ERC2: variants seen among roughly 807,000 people sequenced by gnomAD.
The protein encoded by ERC2 is ERC protein 2.
In ERC2, 42 loss-of-function variants were observed where a neutral mutation model predicts 114.8. The observed-to-expected ratio is 0.37, with a 90% CI of 0.29 to 0.47. The LOEUF is 0.47. Ranked by LOEUF, ERC2 falls within the 20% of genes least tolerant of loss-of-function variation. The pLI, the probability that ERC2 is intolerant of heterozygous loss-of-function variation, is 0.99. For missense variants in ERC2, 939 were observed against 1,150.7 expected, an observed-to-expected ratio of 0.82 and a Z score of 2.66; for synonymous variants, 454 against 425.5, an observed-to-expected ratio of 1.07 and a Z score of -0.82.
intron 17 of ERC2, among the ~76,000 whole-genome samples, chr3:55,513,236 C>A (rs1387935309): frequency 6.6e-6 from 1 of 152,266 alleles, no homozygotes; most frequent in Non-Finnish European, 1.5e-5. Flanking sequence ...TGTTTATAAT[C>A]CCGTTGCCCT....
At chr3:56,087,988 T>C (rs1277948376) in intron 6 of ERC2, among the ~76,000 whole-genome samples, 2 of 152,178 alleles carry the variant, frequency 1.3e-5, no homozygotes, top group Non-Finnish European at 2.9e-5. Context: ...CCAACTCTCC[T>C]TTCCTCCTGA....
At chr3:55,968,941 AGG>A (rs2068952481) in intron 12 of ERC2, among the ~76,000 whole-genome samples, 1 of 152,118 alleles carries the variant, frequency 6.6e-6, no homozygotes, top group South Asian at 2.1e-4. Flanking sequence ...TGCTACATAA[AGG>A]GGTCTATTCT....
chr3:56,280,822 T>C (rs541243326), intron 3 of ERC2, among the ~76,000 whole-genome samples: 1 of 152,322 alleles, frequency 6.6e-6, no homozygotes, highest in South Asian at 2.1e-4. Flanking sequence ...AATACTTATA[T>C]TCTAATAGCA....
chr3:56,359,273 A>G (rs58083540), intron 2 of ERC2, among the ~76,000 whole-genome samples: 3,103 of 152,236 alleles, frequency 0.02, 108 homozygotes, highest in African/African-American at 0.069. Flanking sequence ...ACTTCTTGTC[A>G]CCCTCCCACA....
At chr3:56,040,719 CATAT>C (rs2075133616) in intron 7 of ERC2, among the ~76,000 whole-genome samples, 1 of 122,228 alleles carries the variant, frequency 8.2e-6, no homozygotes, top group African/African-American at 3.1e-5. Context: ...GAGAGAGATA[CATAT>C]AGATATATCT....
intron 17 of ERC2, among the ~76,000 whole-genome samples, chr3:55,569,148 G>A (rs1356430103): frequency 1.3e-5 from 2 of 152,176 alleles, no homozygotes; most frequent in Non-Finnish European, 2.9e-5. Flanking sequence ...CAAGGAAATA[G>A]CACCAAAACT....
chr3:56,175,240 A>C (rs1345551437), intron 3 of ERC2, among the ~76,000 whole-genome samples: 2 of 152,204 alleles, frequency 1.3e-5, no homozygotes, highest in Non-Finnish European at 1.5e-5. Context: ...TCTCCAACTC[A>C]TCACTGGCAC....
chr3:55,941,574 T>C (rs1297057775), intron 13 of ERC2, among the ~76,000 whole-genome samples: 1 of 152,208 alleles, frequency 6.6e-6, no homozygotes, highest in East Asian at 1.9e-4. Flanking sequence ...ACTTCTTGCA[T>C]GTTCATCTCA....
intron 14 of ERC2, among the ~76,000 whole-genome samples, chr3:55,863,094 G>A (rs999416327): frequency 2.6e-5 from 4 of 152,046 alleles, no homozygotes; most frequent in Admixed American, 6.6e-5. Flanking sequence ...TGGGATTAGG[G>A]GAGCAAAAGG....
At chr3:55,668,409 G>A (rs1280418845) in intron 17 of ERC2, among the ~76,000 whole-genome samples, 1 of 152,204 alleles carries the variant, frequency 6.6e-6, no homozygotes, top group Non-Finnish European at 1.5e-5. Context: ...GACCCACATG[G>A]TGGGGCAGAG....
chr3:56,129,409 C>G (rs993396856), intron 6 of ERC2, among the ~76,000 whole-genome samples: 5 of 151,982 alleles, frequency 3.3e-5, no homozygotes, highest in African/African-American at 4.8e-5. Flanking sequence ...TGGTGCCCCT[C>G]CAAAGAAAAA....
rs117090092 is a variant in ERC2 at position 55,626,757 on chromosome 3, C to T, written c.*39+57037G>A. Among the ~76,000 whole-genome samples the T allele has an allele frequency of 2.6e-5, 4 of 152,336 alleles. No homozygotes were observed. In the East Asian group the frequency reaches 7.7e-4, roughly 29 times the overall value. ...CCCACCATAGAAGCTCCACAGTACT[C>T]ACAACTTGTCATCTGTGTATAACAG... On this transcript the variant is annotated intron_variant, in intron 17 of 17. Coordinates refer to ENST00000288221, the MANE Select transcript of ERC2 (RefSeq NM_015576.3).
chr3:55,699,637 G>T, intron 15 of ERC2, 125 bp from the exon 16 acceptor site: 3 of 1,092,470 alleles, frequency 2.7e-6, no homozygotes, highest in Non-Finnish European at 3.8e-6. Flanking sequence ...TTCACTGTTA[G>T]TCAAGTTGAA....
intron 3 of ERC2, among the ~76,000 whole-genome samples, chr3:56,217,428 C>G (rs542113245): frequency 6.6e-6 from 1 of 152,236 alleles, no homozygotes; most frequent in South Asian, 2.1e-4. Context: ...ATCCAACTTA[C>G]AAGGGATGTG....
intron 3 of ERC2, among the ~76,000 whole-genome samples, chr3:56,226,939 T>C (rs1331858015): frequency 6.6e-6 from 1 of 152,222 alleles, no homozygotes; most frequent in Non-Finnish European, 1.5e-5. Context: ...AAACTGCCCC[T>C]TGTTTAAAAT....
chr3:55,954,884 A>G (rs185228017), intron 12 of ERC2, among the ~76,000 whole-genome samples: 3 of 152,024 alleles, frequency 2.0e-5, no homozygotes, highest in Admixed American at 2.0e-4. Flanking sequence ...CATTTCCATT[A>G]CAACTGTAAA....
rs544129755 is a variant in ERC2 at position 55,723,531 on chromosome 3, T to A, written c.2712+11240A>T. On this transcript the variant is annotated intron_variant, in intron 15 of 17. Transcript: ENST00000288221. ...AAGGGAGATTCTGGAACTTTTAGTGTGTTGCAGAGAATCAAAAGAAGAAAG... is the reference window on the plus strand; with the variant it reads ...AAGGGAGATTCTGGAACTTTTAGTGAGTTGCAGAGAATCAAAAGAAGAAAG... Among the ~76,000 whole-genome samples the A allele has an allele frequency of 9.9e-5, 15 of 152,044 alleles. No homozygotes were observed. In the South Asian group the frequency reaches 2.1e-3, roughly 21 times the overall value.
At chr3:55,820,944 C>T (rs766320070) in intron 14 of ERC2, among the ~76,000 whole-genome samples, 2 of 152,036 alleles carry the variant, frequency 1.3e-5, no homozygotes, top group Non-Finnish European at 2.9e-5. Flanking sequence ...TGTTTTATAA[C>T]TTGAAGGTTT....
At chr3:56,041,104 G>A (rs1313645017) in intron 7 of ERC2, among the ~76,000 whole-genome samples, 3 of 151,862 alleles carry the variant, frequency 2.0e-5, no homozygotes, top group Non-Finnish European at 4.4e-5. Context: ...GATTTTTCTT[G>A]TATGACAGGT....
Sources: gnomAD v4.1 joint callset for allele counts (sites outside exome capture counted in the v4.1 genomes callset) on GRCh38, gnomAD v4.1.1 for gene constraint, MANE v1.5 for transcripts, NCBI Gene and HGNC (gene_info 2026-07-23, HGNC 2026-07-21) for gene names.